SLC24A4: variants seen among roughly 807,000 people sequenced by gnomAD.
SLC24A4 encodes solute carrier family 24 member 4, also known as sodium/potassium/calcium exchanger 4.
SLC24A4 carries 53 observed loss-of-function variants against 79.0 expected under a neutral mutation model. That is an observed-to-expected ratio of 0.67 (90% CI 0.54 to 0.84). The LOEUF (loss-of-function observed/expected upper bound fraction) is 0.84. SLC24A4 is among the 40% of genes least tolerant of loss of function. The probability of loss-of-function intolerance (pLI) is 0.00; values close to 1 mark genes in which losing one functional copy is unlikely to be tolerated. For synonymous variants in SLC24A4, 323 were observed against 323.8 expected, an observed-to-expected ratio of 1.00 and a Z score of 0.03; for missense variants, 731 against 822.0, an observed-to-expected ratio of 0.89 and a Z score of 1.35.
intron 13 of SLC24A4, chr14:92,484,231 G>T (rs1895235717): frequency 1.0e-6 from 1 of 984,864 alleles, no homozygotes; most frequent in Non-Finnish European, 1.2e-6. Context: ...GAGCCATTTT[G>T]CCTATGCTTT....
chr14:92,349,450 G>A (rs1886742704), intron 2 of SLC24A4, among the ~76,000 whole-genome samples: 1 of 152,136 alleles, frequency 6.6e-6, no homozygotes, highest in South Asian at 2.1e-4. Context: ...GTGAGCCACC[G>A]TGCCCAGCCT....
At chr14:92,407,430 C>T (rs565015092) in intron 2 of SLC24A4, among the ~76,000 whole-genome samples, 1 of 152,292 alleles carries the variant, frequency 6.6e-6, no homozygotes, top group South Asian at 2.1e-4. Flanking sequence ...TAGCAGTACC[C>T]CACTCTTGAT....
At chr14:92,374,335 C>T (rs1888378596) in intron 2 of SLC24A4, among the ~76,000 whole-genome samples, 1 of 152,232 alleles carries the variant, frequency 6.6e-6, no homozygotes, top group Admixed American at 6.5e-5. Flanking sequence ...CGACTTGTCC[C>T]TAGGTCCTCC....
intron 2 of SLC24A4, among the ~76,000 whole-genome samples, chr14:92,383,146 G>T (rs77957280): frequency 6.6e-6 from 1 of 152,156 alleles, no homozygotes; most frequent in Non-Finnish European, 1.5e-5. Context: ...GAGCAGATGC[G>T]TTCTTCTCAC....
chr14:92,372,889 C>CTTCCTTCCTTCA lies in SLC24A4; in HGVS notation c.241+46922_241+46923insATTCCTTCCTTC, dbSNP rs1346018320. On this transcript the variant is annotated intron_variant, in intron 2 of 16. Coordinates refer to ENST00000532405, the MANE Select transcript of SLC24A4 (RefSeq NM_153646.4). Reference sequence around the variant, plus strand: ...TGTCCCTTCCTTCCTTCCTTCCTTCCTTCCTTCCTTCCTTCCTTCCTTCCT... The same window carrying CTTCCTTCCTTCA: ...TGTCCCTTCCTTCCTTCCTTCCTTCCTTCCTTCCTTCATTCCTTCCTTCCTTCCTTCCTTCCT... Among the ~76,000 whole-genome samples, 8 of 110,416 alleles carry CTTCCTTCCTTCA rather than the reference C, an allele frequency of 7.2e-5. No homozygotes were observed. The East Asian group carries it at 2.2e-3, about 30-fold the overall frequency. The allele number at this position is 110,416 out of a possible 152,430, so 72.4% of individuals were successfully genotyped here.
chr14:92,341,035 C>G (rs533354522), intron 2 of SLC24A4, among the ~76,000 whole-genome samples: 1 of 152,300 alleles, frequency 6.6e-6, no homozygotes, highest in African/African-American at 2.4e-5. Flanking sequence ...TGTCTCTCTG[C>G]GCCTCCTCAG....
At chr14:92,421,301 A>G (rs1437929509) in intron 2 of SLC24A4, among the ~76,000 whole-genome samples, 1 of 152,146 alleles carries the variant, frequency 6.6e-6, no homozygotes, top group African/African-American at 2.4e-5. Flanking sequence ...ACAGCTTTTT[A>G]AGTGTAACTA....
At chr14:92,426,008 A>G (rs1256760212) in intron 2 of SLC24A4, among the ~76,000 whole-genome samples, 2 of 152,036 alleles carry the variant, frequency 1.3e-5, no homozygotes, top group Non-Finnish European at 2.9e-5. Context: ...CAGTCAATCA[A>G]TCAATCAATA....
In SLC24A4 at chr14:92,483,996, A is replaced by T. The variant is rs753861614; in HGVS notation, c.1422+1150A>T. The T allele has an allele frequency of 1.8e-4, 179 of 985,242 alleles. 1 individual carries two copies. Among genetic ancestry groups the T allele is most frequent in the Non-Finnish European group, 2.0e-4 (168 of 829,926 alleles). The allele number at this position is 985,242 out of a possible 1,614,324, so 61.0% of individuals were successfully genotyped here. ...AACAAAGGATCCTGGATCACATGAG[A>T]ACAGCGCTGAATCCTAGTCCTACCT... On this transcript the variant is annotated intron_variant, in intron 13 of 16. Transcript: ENST00000532405.
chr14:92,356,089 A>T (rs1254694414), intron 2 of SLC24A4, among the ~76,000 whole-genome samples: 1 of 152,204 alleles, frequency 6.6e-6, no homozygotes, highest in African/African-American at 2.4e-5. Flanking sequence ...AATGAATCAC[A>T]TGAGAGAGTC....
intron 10 of SLC24A4, chr14:92,453,443 C>T (rs1893264029): frequency 6.5e-6 from 1 of 153,696 alleles, no homozygotes. Flanking sequence ...CATTTTCCAC[C>T]CCGGGGACCC....
At chr14:92,434,590 C>T (rs1050979644) in intron 3 of SLC24A4, among the ~76,000 whole-genome samples, 3 of 152,110 alleles carry the variant, frequency 2.0e-5, no homozygotes, top group Non-Finnish European at 4.4e-5. Context: ...TTGCAGCTCC[C>T]AGTCAGTCAC....
intron 12 of SLC24A4, among the ~76,000 whole-genome samples, chr14:92,478,879 T>A (rs1894911988): frequency 6.6e-6 from 1 of 152,170 alleles, no homozygotes; most frequent in Non-Finnish European, 1.5e-5. Flanking sequence ...TTTCTTCCAA[T>A]GATGTTTGGT....
intron 2 of SLC24A4, among the ~76,000 whole-genome samples, chr14:92,408,797 C>G (rs1163167132): frequency 6.6e-6 from 1 of 152,142 alleles, no homozygotes; most frequent in Non-Finnish European, 1.5e-5. Context: ...ACTTGTTCCC[C>G]CAACAGGAAG....
chr14:92,366,623 G>C (rs1193112674), intron 2 of SLC24A4, among the ~76,000 whole-genome samples: 3 of 152,122 alleles, frequency 2.0e-5, no homozygotes, highest in Admixed American at 6.6e-5. Context: ...AATATCCTCC[G>C]CTGAGGTTTG....
intron 2 of SLC24A4, among the ~76,000 whole-genome samples, chr14:92,411,377 C>T (rs1890700149): frequency 6.6e-6 from 1 of 152,178 alleles, no homozygotes; most frequent in Non-Finnish European, 1.5e-5. Context: ...AGCTCCAGTG[C>T]TCATTTTCTC....
At chr14:92,416,167 T>C (rs192181527) in intron 2 of SLC24A4, among the ~76,000 whole-genome samples, 463 of 151,816 alleles carry the variant, frequency 3.0e-3, no homozygotes, top group African/African-American at 0.011. Context: ...CAGTGACTTT[T>C]GTGGTGTCAG....
chr14:92,373,729 T>G (rs1173587628), intron 2 of SLC24A4, among the ~76,000 whole-genome samples: 7 of 152,218 alleles, frequency 4.6e-5, no homozygotes. Context: ...AGAACACTCT[T>G]CACTTAGTTG....
At chr14:92,437,695 C>T (rs971508703) in intron 3 of SLC24A4, among the ~76,000 whole-genome samples, 6 of 152,184 alleles carry the variant, frequency 3.9e-5, no homozygotes, top group African/African-American at 1.4e-4. Flanking sequence ...CCAAGAAATG[C>T]TGGATCTCAA....
Sources: gnomAD v4.1 joint callset for allele counts (sites outside exome capture counted in the v4.1 genomes callset) on GRCh38, gnomAD v4.1.1 for gene constraint, MANE v1.5 for transcripts, NCBI Gene and HGNC (gene_info 2026-07-23, HGNC 2026-07-21) for gene names.